Variants in ZNF558 observed in about 807,000 individuals in gnomAD.
The protein encoded by ZNF558 is zinc finger protein 558.
Under a neutral mutation model 37.6 loss-of-function variants are expected in ZNF558, and 23 were observed. The ratio of observed to expected loss-of-function variants is 0.61; its 90% confidence interval spans 0.44 to 0.87. The LOEUF (loss-of-function observed/expected upper bound fraction) is 0.87, where lower values mean the gene tolerates loss of function less well. ZNF558 is among the 40% of genes least tolerant of loss of function. The pLI is 0.00. For missense variants in ZNF558, 429 were observed against 483.7 expected (o/e 0.89, Z 1.06); for synonymous variants, 189 against 174.4 (o/e 1.08, Z -0.66).
intron 2 of ZNF558, among the ~76,000 whole-genome samples, chr19:8,825,542 A>G: frequency 6.6e-6 from 1 of 152,190 alleles, no homozygotes; most frequent in Non-Finnish European, 1.5e-5. Flanking sequence ...GTACAAAGCA[A>G]TGTCATGTGT....
chr19:8,833,253 G>A (rs1248248332), upstream of ZNF558: 1 of 152,190 alleles, frequency 6.6e-6, no homozygotes, highest in Non-Finnish European at 1.5e-5. Flanking sequence ...ATCAGATTAT[G>A]TATGCACATT....
At chr19:8,813,276 G>T in intron 7 of ZNF558, 54 bp from the exon 8 acceptor site, 1 of 1,406,558 alleles carries the variant, frequency 7.1e-7, no homozygotes, top group Non-Finnish European at 9.8e-7. Flanking sequence ...GGACAACCAA[G>T]TCCATGAAAG....
intron 7 of ZNF558, among the ~76,000 whole-genome samples, chr19:8,815,636 G>C (rs187166624): frequency 1.9e-3 from 282 of 152,110 alleles, no homozygotes; most frequent in Non-Finnish European, 3.4e-3. Flanking sequence ...AAAAAAATTA[G>C]CTGGGCATGG....
chr19:8,811,190 A>G lies in ZNF558; in HGVS notation c.*91T>C, dbSNP rs1273773927. On this transcript the variant is annotated 3_prime_UTR_variant, in exon 10 of 10. Transcript: ENST00000601372. ...CGGGGATCATTTGTTATGCTGCAAC[A>G]AATAACTTATATATCCAGTGTGAGC... 10 of 1,371,698 alleles carry G rather than the reference A, an allele frequency of 7.3e-6. No homozygotes were observed. Among genetic ancestry groups the G allele is most frequent in the Non-Finnish European group, 9.8e-6 (10 of 1,019,438 alleles). 85.0% of individuals were successfully genotyped at this position (1,371,698 alleles called of 1,614,324 possible).
At chr19:8,821,940 G>A in intron 6 of ZNF558, 63 bp downstream of exon 6, 1 of 1,600,486 alleles carries the variant, frequency 6.2e-7, no homozygotes, top group Non-Finnish European at 8.5e-7. Context: ...GCTGCTGGAA[G>A]GTATCAAGTC....
rs1308613790 is a variant in ZNF558 at position 8,807,140 on chromosome 19, C to G, written c.*4141G>C. 6.6e-6 allele frequency: 1 copy of G among 152,202 alleles called. No homozygotes were observed. The highest frequency in any genetic ancestry group is 1.5e-5 in the Non-Finnish European group (1 of 68,074). The allele number at this position is 152,202 out of a possible 1,614,324, so 9.4% of individuals were successfully genotyped here. ...GGATGAAGGAGAGTGAGGTCTGACCCTGGCTATTTCCTGCAGGAGGACCTG... is the reference window on the plus strand; with the variant it reads ...GGATGAAGGAGAGTGAGGTCTGACCGTGGCTATTTCCTGCAGGAGGACCTG... On this transcript the variant is annotated 3_prime_UTR_variant, in exon 10 of 10. Transcript: ENST00000601372.
rs2044381862 is a variant in ZNF558 at position 8,832,299 on chromosome 19, G to A, written c.-683C>T. 6.6e-6 allele frequency: 1 copy of A among 152,218 alleles called. No individual in the cohort carries two copies. The highest frequency in any genetic ancestry group is 1.5e-5 in the Non-Finnish European group (1 of 68,032). The allele number at this position is 152,218 out of a possible 1,614,324, so 9.4% of individuals were successfully genotyped here. On this transcript the variant is annotated 5_prime_UTR_variant, in exon 1 of 10. Transcript: ENST00000601372. ...CTGCCCCACGCGCGGCCCCTCCCAC[G>A]GTACCGCCCCGCGCTTCCGCTTCCG...
intron 7 of ZNF558, among the ~76,000 whole-genome samples, chr19:8,819,308 G>A (rs757137489): frequency 2.0e-5 from 3 of 152,148 alleles, no homozygotes; most frequent in Non-Finnish European, 4.4e-5. Flanking sequence ...AGCCTCCCGA[G>A]TAGGTGGGAT....
intron 2 of ZNF558, among the ~76,000 whole-genome samples, chr19:8,830,394 C>A (rs1025590227): frequency 2.6e-5 from 4 of 152,138 alleles, no homozygotes; most frequent in Non-Finnish European, 5.9e-5. Context: ...TTTTTGGAAA[C>A]CAGTTCCCTA....
rs2044077664 is a variant in ZNF558, at chr19:8,821,170, T to C, written c.247+10A>G. 1.2e-6 allele frequency: 2 copies of C among 1,613,216 alleles called. No homozygotes were observed. The highest frequency in any genetic ancestry group is 1.7e-6 in the Non-Finnish European group (2 of 1,179,390). On this transcript the variant is annotated intron_variant, in intron 7 of 9. Transcript: ENST00000601372. The stretch of plus-strand genomic sequence containing the variant: ...TCATTAAATAAATGCAGGAATGACA[T>C]TAGGCTTACCTAGTGAGGCCAGGTT...
intron 9 of ZNF558, 124 bp from the exon 10 acceptor site, chr19:8,812,187 A>T (rs782197781): frequency 1.8e-5 from 17 of 966,552 alleles, no homozygotes; most frequent in African/African-American, 6.7e-5. Context: ...GGCTACTTTC[A>T]GTGGTTGTAT....
upstream of ZNF558, among the ~76,000 whole-genome samples, chr19:8,834,349 C>G (rs1035542583): frequency 6.6e-6 from 1 of 152,122 alleles, no homozygotes; most frequent in African/African-American, 2.4e-5. Flanking sequence ...GTGGCTCACG[C>G]CTGTAACCCC....
At chr19:8,815,769 G>C (rs2043920207) in intron 7 of ZNF558, among the ~76,000 whole-genome samples, 2 of 151,466 alleles carry the variant, frequency 1.3e-5, no homozygotes, top group Non-Finnish European at 1.5e-5. Flanking sequence ...CTAGGTGACA[G>C]AGTGAGTGAG....
chr19:8,836,484 T>C (rs554021402), upstream of ZNF558, among the ~76,000 whole-genome samples: 15 of 149,404 alleles, frequency 1.0e-4, no homozygotes, highest in East Asian at 1.2e-3. Context: ...TCCTCCTCCT[T>C]CTTTCTTCTT....
intron 7 of ZNF558, among the ~76,000 whole-genome samples, chr19:8,816,530 G>GA (rs1424499374): frequency 6.6e-6 from 1 of 152,096 alleles, no homozygotes; most frequent in Non-Finnish European, 1.5e-5. Flanking sequence ...AAAGAGCTGA[G>GA]AAAAAATGGC....
At position 8,822,880 on chromosome 19, in the gene ZNF558, G is replaced by T; in HGVS notation, c.-65-156C>A. 1 of 663,072 alleles carries T rather than the reference G, an allele frequency of 1.5e-6. No individual in the cohort carries two copies. 41.1% of individuals were successfully genotyped at this position (663,072 alleles called of 1,614,324 possible). A position where few individuals can be genotyped will look rare whatever the true frequency, so the allele number is the denominator to read the frequency against. ...TTTTGCTGAGCAGGCAATGAATTCA[G>T]GGCCACCTGATGGAAAACTTGCCTT... On this transcript the variant is annotated intron_variant, in intron 4 of 9. Transcript: ENST00000601372. The surrounding 1 kb of genome is among the most constrained non-coding windows in gnomAD (Gnocchi z 4.4).
chr19:8,834,771 C>T (rs987745874), upstream of ZNF558, among the ~76,000 whole-genome samples: 180 of 152,182 alleles, frequency 1.2e-3, no homozygotes, highest in African/African-American at 4.1e-3. Flanking sequence ...CTATAAACTT[C>T]TTGGAAGAAA....
In ZNF558 at chr19:8,822,704, C is replaced by G; in HGVS notation, c.-45G>C. ...CAGGGCAGCCGGGAAGCAGGACGCT[C>G]CTCCTTTATCCCGCAGCGCTCTGGA... On this transcript the variant is annotated 5_prime_UTR_variant, in exon 5 of 10. Transcript: ENST00000601372. This position sits in a 1 kb window ranked among gnomAD's most constrained non-coding sequence, Gnocchi z 4.4. The G allele has an allele frequency of 6.2e-7, 1 of 1,613,930 alleles. No homozygotes were observed. The highest frequency in any genetic ancestry group is 8.5e-7 in the Non-Finnish European group (1 of 1,179,976).
chr19:8,816,958 A>G (rs2043954987), intron 7 of ZNF558, among the ~76,000 whole-genome samples: 1 of 152,238 alleles, frequency 6.6e-6, no homozygotes, highest in Admixed American at 6.5e-5. Context: ...CTATTAAACT[A>G]GATTGTTATA....
Sources: allele counts gnomAD v4.1 joint callset (sites outside exome capture counted in the v4.1 genomes callset), GRCh38; gene constraint gnomAD v4.1.1; non-coding constraint Gnocchi (gnomAD v3.1); transcripts MANE v1.5; gene names NCBI Gene and HGNC (gene_info 2026-07-23, HGNC 2026-07-21).